GOLGA4: variants seen among roughly 807,000 people sequenced by gnomAD.
GOLGA4 encodes golgin subfamily A member 4.
In GOLGA4, 169 loss-of-function variants were observed where a neutral mutation model predicts 265.9. The ratio of observed to expected loss-of-function variants is 0.64; its 90% CI spans 0.56 to 0.72. The LOEUF is 0.72. GOLGA4 is among the 30% of genes least tolerant of loss of function. The pLI is 0.00. For missense variants in GOLGA4, 2,482 were observed against 2,483.4 expected, an observed-to-expected ratio of 1.00 and a Z score of 0.01; for synonymous variants, 923 against 855.8, an observed-to-expected ratio of 1.08 and a Z score of -1.37.
At position 37,302,126 on chromosome 3, in the gene GOLGA4, G is replaced by A; in HGVS notation, c.1087-59G>A. 2.8e-6 allele frequency: 4 copies of A among 1,431,518 alleles called. No individual in the cohort carries two copies. In the South Asian group the frequency reaches 4.7e-5, roughly 17 times the overall value. 88.7% of individuals were successfully genotyped at this position (1,431,518 alleles called of 1,614,324 possible). On this transcript the variant is annotated intron_variant, in intron 9 of 23. Coordinates refer to ENST00000361924, the MANE Select transcript of GOLGA4 (RefSeq NM_002078.5). Reference sequence around the variant, plus strand: ...CTGCCTTTTAAATTAAGTTTTATCTGTGCTGTTGATGATGCAGTTTTGTTA... The same window carrying A: ...CTGCCTTTTAAATTAAGTTTTATCTATGCTGTTGATGATGCAGTTTTGTTA...
chr3:37,316,717 C>A (rs1242372015), intron 11 of GOLGA4, among the ~76,000 whole-genome samples: 1 of 151,934 alleles, frequency 6.6e-6, no homozygotes, highest in African/African-American at 2.4e-5. Flanking sequence ...TGAAAAGATT[C>A]CCATTTTCCC....
At position 37,302,349 on chromosome 3, in the gene GOLGA4, T is replaced by G; in HGVS notation, c.1234+17T>G. On this transcript the variant is annotated intron_variant, in intron 10 of 23. Coordinates refer to ENST00000361924, the MANE Select transcript of GOLGA4 (RefSeq NM_002078.5). Reference sequence around the variant, plus strand: ...AAAGAGCTGGTAAGAACTTGAGGGTTACTTGTTTTATGTTGGAACTCAAAA... The same window carrying G: ...AAAGAGCTGGTAAGAACTTGAGGGTGACTTGTTTTATGTTGGAACTCAAAA... 6.2e-7 allele frequency: 1 copy of G among 1,603,058 alleles called. No individual in the cohort carries two copies. The highest frequency in any genetic ancestry group is 2.2e-5 in the East Asian group (1 of 44,766).
At chr3:37,360,673 T>G (rs1696183941) in intron 22 of GOLGA4, among the ~76,000 whole-genome samples, 1 of 152,140 alleles carries the variant, frequency 6.6e-6, no homozygotes, top group Non-Finnish European at 1.5e-5. Flanking sequence ...AAAACTATAT[T>G]TGAGATTGAG....
chr3:37,347,308 G>A lies in GOLGA4; in HGVS notation c.6576+12G>A. 1 of 1,433,526 alleles carries A rather than the reference G, an allele frequency of 7.0e-7. No individual in the cohort carries two copies. Among genetic ancestry groups the A allele is most frequent in the Non-Finnish European group, 9.8e-7 (1 of 1,017,068 alleles). The allele number at this position is 1,433,526 out of a possible 1,614,324, so 88.8% of individuals were successfully genotyped here. A position where few individuals can be genotyped will look rare whatever the true frequency, so the allele number is the denominator to read the frequency against. ...GTCGTGAGACTAAGGTATAAATCATGTCTCGTGATTTGGTGTGTGGCTTAA... is the reference window on the plus strand; with the variant it reads ...GTCGTGAGACTAAGGTATAAATCATATCTCGTGATTTGGTGTGTGGCTTAA... On this transcript the variant is annotated intron_variant, in intron 21 of 23. Transcript: ENST00000361924.
At chr3:37,334,387 A>G (rs2097002242) in intron 16 of GOLGA4, among the ~76,000 whole-genome samples, 1 of 152,038 alleles carries the variant, frequency 6.6e-6, no homozygotes, top group African/African-American at 2.4e-5. Context: ...TTTCAAAAAT[A>G]GATTTTAGTA....
chr3:37,334,807 C>T (rs547466267), intron 16 of GOLGA4, among the ~76,000 whole-genome samples: 19 of 151,884 alleles, frequency 1.3e-4, no homozygotes, highest in Admixed American at 1.2e-3. Flanking sequence ...AAATGATATC[C>T]TAGGAATAAT....
intron 3 of GOLGA4, among the ~76,000 whole-genome samples, chr3:37,283,621 C>T (rs756908758): frequency 1.2e-4 from 18 of 152,054 alleles, no homozygotes; most frequent in African/African-American, 2.4e-4. Flanking sequence ...TGGGCCCAAG[C>T]GATCCTTCAG....
chr3:37,273,415 C>G, intron 2 of GOLGA4: 1 of 615,228 alleles, frequency 1.6e-6, no homozygotes, highest in Non-Finnish European at 2.9e-6. Flanking sequence ...TGAACAATTA[C>G]TAATTTTGTT....
intron 2 of GOLGA4, among the ~76,000 whole-genome samples, chr3:37,267,847 G>A (rs1042235784): frequency 1.3e-5 from 2 of 152,226 alleles, no homozygotes; most frequent in Non-Finnish European, 2.9e-5. Context: ...CATGTAGCCA[G>A]TGAAGACTTG....
intron 2 of GOLGA4, among the ~76,000 whole-genome samples, chr3:37,262,280 C>A (rs574142280): frequency 1.3e-5 from 2 of 152,166 alleles, no homozygotes; most frequent in East Asian, 3.9e-4. Context: ...CCAAGGCGGG[C>A]AGATCACTTG....
chr3:37,243,829 C>G (rs1206476703), intron 1 of GOLGA4: 2 of 583,892 alleles, frequency 3.4e-6, no homozygotes, highest in Non-Finnish European at 6.1e-6. Context: ...AAAACTTCAT[C>G]CAGTCAATGA....
intron 1 of GOLGA4, among the ~76,000 whole-genome samples, chr3:37,247,966 A>T (rs1346689393): frequency 6.6e-6 from 1 of 152,214 alleles, no homozygotes; most frequent in Non-Finnish European, 1.5e-5. Flanking sequence ...CCATCCAGGT[A>T]ATCTTTTGAT....
At chr3:37,338,122 G>A (rs1261809960) in intron 19 of GOLGA4, among the ~76,000 whole-genome samples, 1 of 152,106 alleles carries the variant, frequency 6.6e-6, no homozygotes, top group African/African-American at 2.4e-5. Context: ...GACAATATAT[G>A]TAAGTCAGTT....
Position 37,243,448 on chromosome 3 carries a change from T to C in GOLGA4, c.-103T>C. ...GGAGACGGCGAGGCCCGGCCCCCGC[T>C]GTCCCTGGTGTAAAGAAGTCGCCGT... On this transcript the variant is annotated 5_prime_UTR_variant, in exon 1 of 24. Transcript: ENST00000361924. The C allele has an allele frequency of 1.0e-6, 1 of 955,606 alleles. No homozygotes were observed. The highest frequency in any genetic ancestry group is 1.7e-6 in the Non-Finnish European group (1 of 589,808). 59.2% of individuals were successfully genotyped at this position (955,606 alleles called of 1,614,324 possible). A position where few individuals can be genotyped will look rare whatever the true frequency, so the allele number is the denominator to read the frequency against.
At chr3:37,328,249 C>G (rs2096978287) in intron 14 of GOLGA4, among the ~76,000 whole-genome samples, 167 bp from the exon 15 acceptor site, 1 of 144,078 alleles carries the variant, frequency 6.9e-6, no homozygotes, top group South Asian at 2.1e-4. Context: ...CACACACACA[C>G]ACACACACAC....
intron 10 of GOLGA4, among the ~76,000 whole-genome samples, chr3:37,314,529 T>C (rs766739727): frequency 6.6e-6 from 1 of 151,890 alleles, no homozygotes; most frequent in Non-Finnish European, 1.5e-5. Context: ...TGGTCCCAGC[T>C]ACTTGGGAGG....
chr3:37,273,509 T>A, intron 2 of GOLGA4: 1 of 1,346,146 alleles, frequency 7.4e-7, no homozygotes, highest in Non-Finnish European at 1.0e-6. Context: ...GTTCTTTTGC[T>A]TTACAATGTT....
intron 2 of GOLGA4, among the ~76,000 whole-genome samples, chr3:37,263,870 A>C (rs1321720056): frequency 6.6e-6 from 1 of 152,240 alleles, no homozygotes; most frequent in Non-Finnish European, 1.5e-5. Flanking sequence ...CCTTAGCAGA[A>C]TTGCAGCAGA....
At chr3:37,336,493 G>A (rs536350654) in intron 17 of GOLGA4, among the ~76,000 whole-genome samples, 52 of 151,994 alleles carry the variant, frequency 3.4e-4, no homozygotes, top group Non-Finnish European at 6.8e-4. Flanking sequence ...GGGAGAGGTA[G>A]CTCATGCCTG....
Sources: allele counts gnomAD v4.1 joint callset (sites outside exome capture counted in the v4.1 genomes callset), GRCh38; gene constraint gnomAD v4.1.1; transcripts MANE v1.5; gene names NCBI Gene and HGNC (gene_info 2026-07-23, HGNC 2026-07-21).